The following PRKN variants were observed in gnomAD, a reference collection of about 807,000 sequenced individuals.
The protein encoded by PRKN is E3 ubiquitin-protein ligase parkin.
In PRKN, 56 loss-of-function variants were observed where a neutral mutation model predicts 59.5. The observed-to-expected ratio is 0.94, with a 90% CI of 0.76 to 1.18. PRKN has a LOEUF of 1.18. PRKN is among the 50% of genes most tolerant of loss of function. The pLI, the probability that PRKN is intolerant of heterozygous loss-of-function variation, is 0.00. For synonymous variants in PRKN, 250 were observed against 222.1 expected, an observed-to-expected ratio of 1.13 and a Z score of -1.12; for missense variants, 657 against 596.4, an observed-to-expected ratio of 1.10 and a Z score of -1.06.
intron 5 of PRKN, among the ~76,000 whole-genome samples, chr6:161,989,381 A>G (rs377764886): frequency 1.6e-4 from 24 of 151,730 alleles, no homozygotes; most frequent in African/African-American, 5.6e-4. Context: ...TGCTGTTCCC[A>G]CCAGTGCGTG....
intron 6 of PRKN, among the ~76,000 whole-genome samples, chr6:161,927,237 T>C (rs1300540179): frequency 6.6e-6 from 1 of 152,238 alleles, no homozygotes; most frequent in East Asian, 1.9e-4. Flanking sequence ...GTACATGCTT[T>C]TACTCATATA....
At chr6:161,717,499 C>T (rs970175120) in intron 7 of PRKN, among the ~76,000 whole-genome samples, 1 of 152,106 alleles carries the variant, frequency 6.6e-6, no homozygotes, top group Non-Finnish European at 1.5e-5. Context: ...GACATCGCAC[C>T]AAGGGCTGGT....
chr6:162,225,373 G>T (rs1326749494), intron 3 of PRKN, among the ~76,000 whole-genome samples: 1 of 152,202 alleles, frequency 6.6e-6, no homozygotes, highest in Non-Finnish European at 1.5e-5. Context: ...TCTGTGAGAA[G>T]AAACCATATT....
At position 162,225,052 on chromosome 6, in the gene PRKN, C is replaced by T. The variant is rs148729540; in HGVS notation, c.413-23800G>A. On this transcript the variant is annotated intron_variant, in intron 3 of 11. Coordinates refer to ENST00000366898, the MANE Select transcript of PRKN (RefSeq NM_004562.3). ...GAAAACATTTATGTAGCTCACAGTT[C>T]TTGAGGCTGGGAAGTCCAAGATTGG... 9.0e-3 allele frequency among the ~76,000 whole-genome samples: 1,368 copies of T among 152,204 alleles called. 14 individuals are homozygous for T. Among genetic ancestry groups the T allele is most frequent in the Non-Finnish European group, 0.015 (990 of 68,010 alleles).
At chr6:162,309,915 A>C (rs1427607564) in intron 2 of PRKN, among the ~76,000 whole-genome samples, 1 of 151,998 alleles carries the variant, frequency 6.6e-6, no homozygotes, top group East Asian at 1.9e-4. Context: ...ATATGTATTC[A>C]TGTGTTCTCA....
chr6:161,449,418 C>A (rs1789628459), intron 9 of PRKN, among the ~76,000 whole-genome samples: 1 of 152,182 alleles, frequency 6.6e-6, no homozygotes, highest in Non-Finnish European at 1.5e-5. Flanking sequence ...TACTCTCCCA[C>A]TGCTCATCGT....
intron 7 of PRKN, among the ~76,000 whole-genome samples, chr6:161,577,431 A>G (rs2128136898): frequency 6.6e-6 from 1 of 152,358 alleles, no homozygotes; most frequent in African/African-American, 2.4e-5. Context: ...GGCTGAATAA[A>G]AATTCAATAA....
At chr6:161,608,544 TTTTTTTTA>T in intron 7 of PRKN, among the ~76,000 whole-genome samples, 1 of 152,048 alleles carries the variant, frequency 6.6e-6, no homozygotes, top group Non-Finnish European at 1.5e-5. Flanking sequence ...TTTAATTTTT[TTTTTTTTA>T]GACAGAGTCT....
intron 5 of PRKN, among the ~76,000 whole-genome samples, chr6:162,021,140 ATATATATATATATATATATAT>A (rs1783147175): frequency 5.9e-5 from 3 of 51,248 alleles, no homozygotes; most frequent in South Asian, 6.3e-4. Context: ...ATATATATAT[ATATATATATATATATATATAT>A]ATATAAAATA....
At chr6:162,264,529 C>T (rs2128100878) in intron 2 of PRKN, among the ~76,000 whole-genome samples, 1 of 152,108 alleles carries the variant, frequency 6.6e-6, no homozygotes, top group East Asian at 2.0e-4. Context: ...GAATCTGCCT[C>T]CTCCACCCAG....
intron 3 of PRKN, among the ~76,000 whole-genome samples, chr6:162,237,365 C>A (rs1778782523): frequency 6.6e-6 from 1 of 152,162 alleles, no homozygotes; most frequent in African/African-American, 2.4e-5. Context: ...ACCACCACCA[C>A]CACTTAACCA....
intron 6 of PRKN, among the ~76,000 whole-genome samples, chr6:161,955,040 T>A (rs1780119591): frequency 6.6e-6 from 1 of 151,714 alleles, no homozygotes; most frequent in African/African-American, 2.4e-5. Flanking sequence ...AACAGGAGAG[T>A]TTGGAATGTA....
chr6:162,480,182 T>C (rs559989969), intron 1 of PRKN, among the ~76,000 whole-genome samples: 3 of 152,280 alleles, frequency 2.0e-5, no homozygotes, highest in South Asian at 2.1e-4. Flanking sequence ...TTTTACACAA[T>C]TGGTATCGTA....
chr6:161,412,416 T>C (rs1787618659), intron 9 of PRKN, among the ~76,000 whole-genome samples: 1 of 148,000 alleles, frequency 6.8e-6, no homozygotes, highest in African/African-American at 2.5e-5. Context: ...ATTCCTCCAC[T>C]CACTCATTCC....
chr6:162,019,035 G>A (rs976600522), intron 5 of PRKN, among the ~76,000 whole-genome samples: 1 of 152,100 alleles, frequency 6.6e-6, no homozygotes, highest in Non-Finnish European at 1.5e-5. Flanking sequence ...GAACTTTGGT[G>A]ATCAACCATA....
chr6:162,058,229 C>A (rs1777944433), intron 4 of PRKN, among the ~76,000 whole-genome samples: 2 of 152,174 alleles, frequency 1.3e-5, no homozygotes, highest in African/African-American at 4.8e-5. Flanking sequence ...CCTTTGATCC[C>A]TTTCCTCATC....
chr6:161,617,561 A>G (rs999106901), intron 7 of PRKN, among the ~76,000 whole-genome samples: 2 of 152,266 alleles, frequency 1.3e-5, no homozygotes, highest in Non-Finnish European at 2.9e-5. Context: ...GCCAGCATAC[A>G]GTGTATGGGA....
chr6:161,508,813 A>T (rs952301919), intron 9 of PRKN, among the ~76,000 whole-genome samples: 1 of 152,048 alleles, frequency 6.6e-6, no homozygotes, highest in Non-Finnish European at 1.5e-5. Context: ...AGCTAAGAAT[A>T]GGAAAGTTTC....
At chr6:161,662,827 A>G (rs796192408) in intron 7 of PRKN, among the ~76,000 whole-genome samples, 1 of 152,130 alleles carries the variant, frequency 6.6e-6, no homozygotes, top group South Asian at 2.1e-4. Context: ...ACACATGAGG[A>G]TATCTGTGGT....
Sources: gnomAD v4.1 joint callset for allele counts (sites outside exome capture counted in the v4.1 genomes callset) on GRCh38, gnomAD v4.1.1 for gene constraint, MANE v1.5 for transcripts, NCBI Gene and HGNC (gene_info 2026-07-23, HGNC 2026-07-21) for gene names.